The following CLVS1 variants were observed in gnomAD, a reference collection of about 807,000 sequenced individuals.
CLVS1 encodes clavesin 1.
Under a neutral mutation model 33.1 loss-of-function variants are expected in CLVS1, and 10 were observed. That is an observed-to-expected ratio of 0.30 (90% confidence interval 0.19 to 0.51). CLVS1 has a LOEUF of 0.51. Ranked by LOEUF, CLVS1 falls within the 20% of genes least tolerant of loss-of-function variation. The pLI, the probability that CLVS1 is intolerant of heterozygous loss-of-function variation, is 0.97. For synonymous variants in CLVS1, 163 were observed against 166.1 expected, an observed-to-expected ratio of 0.98 and a Z score of 0.14; for missense variants, 343 against 433.4, an observed-to-expected ratio of 0.79 and a Z score of 1.85.
At chr8:61,407,080 G>A (rs1258045541) in intron 3 of CLVS1, among the ~76,000 whole-genome samples, 3 of 152,128 alleles carry the variant, frequency 2.0e-5, no homozygotes, top group Admixed American at 6.5e-5. Context: ...CTACCTAAGG[G>A]ATCATCTCAT....
At chr8:61,396,266 A>T (rs900041336) in intron 3 of CLVS1, among the ~76,000 whole-genome samples, 19 of 152,280 alleles carry the variant, frequency 1.2e-4, no homozygotes, top group Admixed American at 5.2e-4. Context: ...CTAAAAATCA[A>T]ATCTGTCTTT....
At chr8:61,341,958 T>C (rs1304060490) in intron 2 of CLVS1, among the ~76,000 whole-genome samples, 2 of 152,114 alleles carry the variant, frequency 1.3e-5, no homozygotes, top group East Asian at 3.9e-4. Flanking sequence ...CAAAAAGTCA[T>C]GAAAATGTGT....
intron 2 of CLVS1, among the ~76,000 whole-genome samples, chr8:61,138,400 C>T (rs907106722): frequency 1.3e-5 from 2 of 152,232 alleles, no homozygotes; most frequent in Non-Finnish European, 2.9e-5. Flanking sequence ...GAATGGGCAG[C>T]CCCTATAAGT....
chr8:61,017,079 A>G, the CLVS1 span, among the ~76,000 whole-genome samples: 1 of 152,176 alleles, frequency 6.6e-6, no homozygotes, highest in East Asian at 1.9e-4. Context: ...GCTTCTCTCC[A>G]AAAAGACAGC....
chr8:61,332,882 G>A (rs934900945), intron 2 of CLVS1, among the ~76,000 whole-genome samples: 1 of 152,112 alleles, frequency 6.6e-6, no homozygotes, highest in Non-Finnish European at 1.5e-5. Flanking sequence ...TAATCCACTC[G>A]CCTTGGCCTG....
At chr8:61,451,486 T>C (rs1180143672) in intron 3 of CLVS1, among the ~76,000 whole-genome samples, 3 of 152,170 alleles carry the variant, frequency 2.0e-5, no homozygotes, top group Non-Finnish European at 4.4e-5. Flanking sequence ...ATTAATGCCA[T>C]TTTCTTGAAC....
At chr8:61,440,235 TATA>T (rs1816489707) in intron 3 of CLVS1, among the ~76,000 whole-genome samples, 1 of 152,192 alleles carries the variant, frequency 6.6e-6, no homozygotes, top group South Asian at 2.1e-4. Flanking sequence ...ATATAGATAA[TATA>T]ATAATAGAAC....
At chr8:61,298,731 T>G (rs954448781) in intron 1 of CLVS1, among the ~76,000 whole-genome samples, 11 of 152,238 alleles carry the variant, frequency 7.2e-5, no homozygotes, top group Admixed American at 2.0e-4. Context: ...AACAGATGTC[T>G]GCAAGAGTTT....
At chr8:61,038,094 T>C in the CLVS1 span, among the ~76,000 whole-genome samples, 1 of 152,192 alleles carries the variant, frequency 6.6e-6, no homozygotes. Flanking sequence ...GTTCTGACTG[T>C]GCTCCTAGTT....
intron 3 of CLVS1, among the ~76,000 whole-genome samples, chr8:61,414,808 C>T (rs1815367145): frequency 6.6e-6 from 1 of 152,228 alleles, no homozygotes; most frequent in South Asian, 2.1e-4. Flanking sequence ...TTCCCCCAGG[C>T]CTGCTTGGAC....
chr8:61,073,315 G>A (rs181778023), intron 1 of CLVS1, among the ~76,000 whole-genome samples: 4 of 152,224 alleles, frequency 2.6e-5, no homozygotes, highest in East Asian at 1.9e-4. Context: ...TAAAATGTTC[G>A]TAGCTTTAGG....
At chr8:61,059,475 C>CATATATATAT (rs56322834) in intron 1 of CLVS1, among the ~76,000 whole-genome samples, 1,713 of 50,142 alleles carry the variant, frequency 0.034, 140 homozygotes, top group African/African-American at 0.086. Flanking sequence ...TACATACATA[C>CATATATATAT]ATATATATAT....
At chr8:61,378,195 A>T (rs1240538194) in intron 3 of CLVS1, 1 of 152,234 alleles carries the variant, frequency 6.6e-6, no homozygotes, top group East Asian at 1.9e-4. Flanking sequence ...CTTTTTTAAA[A>T]AAGATAATTT....
At chr8:61,408,836 T>A (rs1815099606) in intron 3 of CLVS1, among the ~76,000 whole-genome samples, 1 of 152,174 alleles carries the variant, frequency 6.6e-6, no homozygotes, top group Non-Finnish European at 1.5e-5. Flanking sequence ...AACAGTGATC[T>A]ATAGAGTAAA....
chr8:61,261,402 T>G (rs993210630), intron 2 of CLVS1, among the ~76,000 whole-genome samples: 10 of 152,198 alleles, frequency 6.6e-5, no homozygotes, highest in Non-Finnish European at 1.5e-4. Context: ...TCAGGGTTAG[T>G]GTTGAGTGCA....
At chr8:61,112,841 T>G (rs1805654304) in intron 1 of CLVS1, among the ~76,000 whole-genome samples, 1 of 152,176 alleles carries the variant, frequency 6.6e-6, no homozygotes, top group Non-Finnish European at 1.5e-5. Context: ...TTCCAATCTG[T>G]AAAAGATTGG....
chr8:61,345,644 G>A (rs866735298), intron 2 of CLVS1, among the ~76,000 whole-genome samples: 6 of 145,852 alleles, frequency 4.1e-5, no homozygotes, highest in African/African-American at 1.0e-4. Flanking sequence ...GTGTATGTGT[G>A]TGTGTGTGTG....
intron 1 of CLVS1, among the ~76,000 whole-genome samples, chr8:61,093,441 GT>G (rs942825855): frequency 6.6e-6 from 1 of 152,116 alleles, no homozygotes; most frequent in Non-Finnish European, 1.5e-5. Context: ...GGTCATTCAG[GT>G]TTTTCCCAAA....
chr8:61,019,875 C>T, the CLVS1 span, among the ~76,000 whole-genome samples: 24 of 152,176 alleles, frequency 1.6e-4, no homozygotes, highest in Non-Finnish European at 2.5e-4. Flanking sequence ...TCAGATTCTG[C>T]CTTTCCAAGC....
Sources: gnomAD v4.1 joint callset for allele counts (sites outside exome capture counted in the v4.1 genomes callset) on GRCh38, gnomAD v4.1.1 for gene constraint, MANE v1.5 for transcripts, NCBI Gene and HGNC (gene_info 2026-07-23, HGNC 2026-07-21) for gene names.